R3HCC1: variants seen among roughly 807,000 people sequenced by gnomAD.
R3HCC1 encodes R3H and coiled-coil domain-containing protein 1.
R3HCC1 carries 32 observed loss-of-function variants against 40.0 expected under a neutral mutation model. The observed-to-expected ratio is 0.80, with a 90% CI of 0.60 to 1.07. The LOEUF is 1.07. R3HCC1 is among the 50% of genes least tolerant of loss of function. The probability of loss-of-function intolerance (pLI) is 0.00; values close to 1 mark genes in which losing one functional copy is unlikely to be tolerated. For synonymous variants in R3HCC1, 237 were observed against 232.8 expected, an observed-to-expected ratio of 1.02 and a Z score of -0.17; for missense variants, 586 against 563.3, an observed-to-expected ratio of 1.04 and a Z score of -0.41.
chr8:23,293,201 T>A, intron 5 of R3HCC1, 102 bp from the exon 6 acceptor site: 1 of 880,422 alleles, frequency 1.1e-6, no homozygotes, highest in Non-Finnish European at 1.8e-6. Context: ...CTCAGGCTGG[T>A]GGCATCTGCG....
At position 23,289,151 on chromosome 8, in the gene R3HCC1, C is replaced by G. The variant is rs1368307551; in HGVS notation, c.246C>G (p.Ile82Met). The change falls in exon 3 of 8, where the codon ATC becomes ATG. Residue 82 changes from isoleucine (I) to methionine (M), a missense_variant and splice_region_variant. Coordinates refer to ENST00000265806, the MANE Select transcript of R3HCC1 (RefSeq NM_001136108.3). ...GGACGGTCATCTGTCACCAGGACAT[C>G]AGGTGTGTAGCCTCCCACCTTGAAG... 44 of 1,536,038 alleles carry G rather than the reference C, an allele frequency of 2.9e-5. No homozygotes were observed. The highest frequency in any genetic ancestry group is 3.9e-5 in the Admixed American group (2 of 50,978).
In R3HCC1 at chr8:23,290,111, G is replaced by A. The variant is rs1192188727; in HGVS notation, c.494G>A (p.Arg165Lys). 1 of 1,551,044 alleles carries A rather than the reference G, an allele frequency of 6.4e-7. No individual in the cohort carries two copies. The highest frequency in any genetic ancestry group is 8.7e-7 in the Non-Finnish European group (1 of 1,147,006). ...CTCAAGAGAGAGGCCCCAGCTGGCAGGGACCCAGAAGAGCCTGGAGATGTT... is the reference window on the plus strand; with the variant it reads ...CTCAAGAGAGAGGCCCCAGCTGGCAAGGACCCAGAAGAGCCTGGAGATGTT... The change falls in exon 4 of 8, where the codon AGG (arginine) becomes AAG (lysine). Residue 165 changes from arginine (R) to lysine (K), a missense_variant. Coordinates refer to ENST00000265806, the MANE Select transcript of R3HCC1 (RefSeq NM_001136108.3).
At chr8:23,291,129 T>G in intron 4 of R3HCC1, 1 of 442,980 alleles carries the variant, frequency 2.3e-6, no homozygotes, top group Non-Finnish European at 4.0e-6. Context: ...CTATGGAACA[T>G]TATGTGTGTA....
chr8:23,292,767 G>C (rs1360746741), intron 5 of R3HCC1, among the ~76,000 whole-genome samples: 1 of 152,226 alleles, frequency 6.6e-6, no homozygotes, highest in East Asian at 1.9e-4. Flanking sequence ...TCTCTACCTT[G>C]ATGGTGCAGC....
chr8:23,296,003 AT>A lies in R3HCC1; in HGVS notation c.1230del (p.Asn410LysfsTer77). On this transcript the variant is annotated frameshift_variant, in exon 8 of 8. Coordinates refer to ENST00000265806, the MANE Select transcript of R3HCC1 (RefSeq NM_001136108.3). LOFTEE classifies it high-confidence loss of function. ...CTGGTGAAGGAGAGGCCACAGACAA[AT>A]GCGACTGTGGCCCGGCGGCTGGTGG... 6.4e-7 allele frequency: 1 copy of A among 1,550,838 alleles called. No individual in the cohort carries two copies. The highest frequency in any genetic ancestry group is 8.7e-7 in the Non-Finnish European group (1 of 1,146,762).
chr8:23,292,538 C>T lies in R3HCC1; in HGVS notation c.1026-765C>T, dbSNP rs530344895. 3.3e-5 allele frequency among the ~76,000 whole-genome samples: 5 copies of T among 152,254 alleles called. No homozygotes were observed. In the East Asian group the frequency reaches 7.7e-4, roughly 24 times the overall value. On this transcript the variant is annotated intron_variant, in intron 5 of 7. Coordinates refer to ENST00000265806, the MANE Select transcript of R3HCC1 (RefSeq NM_001136108.3). ...CTGAGGCAGGAGAATGGTGTGAACC[C>T]GGGAGGTGGAGCTTGTAGTGAGCCG... is the stretch of plus-strand genomic sequence containing the variant.
At position 23,288,112 on chromosome 8, in the gene R3HCC1, G is replaced by C; in HGVS notation, c.-64G>C. On this transcript the variant is annotated 5_prime_UTR_variant, in exon 1 of 8. Coordinates refer to ENST00000265806, the MANE Select transcript of R3HCC1 (RefSeq NM_001136108.3). ...CTCTCTAGGGCGCTCGGGCGCGCTG[G>C]CCCCTGGGGACGCCGAGGGCGGCTG... 1 of 1,264,702 alleles carries C rather than the reference G, an allele frequency of 7.9e-7. No homozygotes were observed. Among genetic ancestry groups the C allele is most frequent in the Non-Finnish European group, 1.0e-6 (1 of 977,766 alleles). 78.3% of individuals were successfully genotyped at this position (1,264,702 alleles called of 1,614,324 possible).
At position 23,290,048 on chromosome 8, in the gene R3HCC1, G is replaced by A. The variant is rs914497941; in HGVS notation, c.431G>A (p.Arg144His). ...CCTTTGTATGTGCCCCGGGTGCTGC[G>A]CAGGCAGGAAGAATGGGGGCTGACC... Residue 144 changes from arginine (R) to histidine (H), a missense_variant, in exon 4 of 8, where the codon CGC becomes CAC. Transcript: ENST00000265806. 1.6e-5 allele frequency: 25 copies of A among 1,545,596 alleles called. No homozygotes were observed. The highest frequency in any genetic ancestry group is 4.1e-5 in the African/African-American group (3 of 73,066).
At chr8:23,295,945 C>T in intron 7 of R3HCC1, 22 bp from the exon 8 acceptor site, 2 of 1,542,844 alleles carry the variant, frequency 1.3e-6, no homozygotes, top group Non-Finnish European at 1.8e-6. Flanking sequence ...TTTAGGTCCC[C>T]ACTGTGGGGC....
In R3HCC1 at chr8:23,294,880, G is replaced by A; in HGVS notation, c.1192+16G>A. The A allele has an allele frequency of 6.5e-7, 1 of 1,529,806 alleles. No individual in the cohort carries two copies. Among genetic ancestry groups the A allele is most frequent in the East Asian group, 2.5e-5 (1 of 40,786 alleles). 94.8% of individuals were successfully genotyped at this position (1,529,806 alleles called of 1,614,324 possible). On this transcript the variant is annotated intron_variant, in intron 7 of 7. Transcript: ENST00000265806. ...CAGAGGCCAAGTAAGGAAAGCGCAT[G>A]TCCCTGAATAGGGAGGCTGTGTGTG...
At chr8:23,295,144 C>T (rs748234027) in intron 7 of R3HCC1, among the ~76,000 whole-genome samples, 1 of 152,142 alleles carries the variant, frequency 6.6e-6, no homozygotes, top group Non-Finnish European at 1.5e-5. Context: ...TGCTCATACC[C>T]TCTTCTGGGC....
chr8:23,291,328 A>G, intron 4 of R3HCC1, 33 bp from the exon 5 acceptor site: 1 of 1,538,182 alleles, frequency 6.5e-7, no homozygotes, highest in Non-Finnish European at 8.8e-7. Context: ...TGCGTGTCCA[A>G]GCTCCCCTTG....
chr8:23,295,762 T>G (rs1802997432), intron 7 of R3HCC1: 3 of 669,478 alleles, frequency 4.5e-6, no homozygotes, highest in Non-Finnish European at 7.5e-6. Flanking sequence ...GCGACAAGTT[T>G]GGGTCAGCAT....
At position 23,291,798 on chromosome 8, in the gene R3HCC1, G is replaced by C. The variant is rs540631349; in HGVS notation, c.1025+265G>C. 5.3e-5 allele frequency among the ~76,000 whole-genome samples: 8 copies of C among 152,350 alleles called. No homozygotes were observed. In the South Asian group the frequency reaches 1.7e-3, roughly 32 times the overall value. On this transcript the variant is annotated intron_variant, in intron 5 of 7. Transcript: ENST00000265806. ...CCCTGCATGGCCACACGCCTGCCAG[G>C]ATGCCATGCGCCCTCCCTCAGTCTC...
At position 23,293,338 on chromosome 8, in the gene R3HCC1, C is replaced by T. The variant is rs76824703; in HGVS notation, c.1061C>T (p.Thr354Ile). ...TTCAGGATTCAGTGGGTGGATGATA[C>T]TCACGCACTCGGCATCTTTCCCTGC... The change falls in exon 6 of 8, where the codon ACT (threonine) becomes ATT (isoleucine). Residue 354 changes from threonine to isoleucine, a missense_variant. Physicochemically the swap from Thr to Ile is moderately conservative, Grantham distance 89. Coordinates refer to ENST00000265806, the MANE Select transcript of R3HCC1 (RefSeq NM_001136108.3). 38,084 of 1,550,704 alleles carry T rather than the reference C, an allele frequency of 0.025. 590 individuals carry two copies. The highest frequency in any genetic ancestry group is 0.03 in the Non-Finnish European group (34,454 of 1,146,316).
Position 23,296,180 on chromosome 8 carries a change from C to G in R3HCC1, c.*83C>G. 1 of 1,428,668 alleles carries G rather than the reference C, an allele frequency of 7.0e-7. No homozygotes were observed. Among genetic ancestry groups the G allele is most frequent in the South Asian group, 1.5e-5 (1 of 68,402 alleles). The allele number at this position is 1,428,668 out of a possible 1,614,324, so 88.5% of individuals were successfully genotyped here. A position where few individuals can be genotyped will look rare whatever the true frequency, so the allele number is the denominator to read the frequency against. ...CCATAAGCCTTCACAGACGCCAGAGCAGCCCCGCACCACCCTCGAGCTTCA... is the reference window on the plus strand; with the variant it reads ...CCATAAGCCTTCACAGACGCCAGAGGAGCCCCGCACCACCCTCGAGCTTCA... On this transcript the variant is annotated 3_prime_UTR_variant, in exon 8 of 8. Coordinates refer to ENST00000265806, the MANE Select transcript of R3HCC1 (RefSeq NM_001136108.3).
intron 4 of R3HCC1, chr8:23,290,955 C>T: frequency 4.8e-6 from 1 of 210,462 alleles, no homozygotes; most frequent in Non-Finnish European, 9.6e-6. Flanking sequence ...GAATGCAGAC[C>T]ACAGACCTGC....
chr8:23,288,738 C>T (rs1802794171), intron 2 of R3HCC1, 105 bp downstream of exon 2: 1 of 1,402,190 alleles, frequency 7.1e-7, no homozygotes, highest in Non-Finnish European at 9.6e-7. Flanking sequence ...TGGCTCTGAC[C>T]TTGGCCTTTA....
In R3HCC1 at chr8:23,290,345, A is replaced by G. The variant is rs1802839038; in HGVS notation, c.728A>G (p.Glu243Gly). 6.4e-7 allele frequency: 1 copy of G among 1,551,808 alleles called. No individual in the cohort carries two copies. The highest frequency in any genetic ancestry group is 8.7e-7 in the Non-Finnish European group (1 of 1,147,026). Reference sequence around the variant, plus strand: ...GGGTCCACCCTGCAGCTAGACCTGGAAAAGGGGAAGGAGAGTCTGTTGGAG... The same window carrying G: ...GGGTCCACCCTGCAGCTAGACCTGGGAAAGGGGAAGGAGAGTCTGTTGGAG... The change falls in exon 4 of 8, where the codon GAA becomes GGA. Residue 243 changes from glutamate (E) to glycine (G), a missense_variant. Coordinates refer to ENST00000265806, the MANE Select transcript of R3HCC1 (RefSeq NM_001136108.3).
Sources: allele counts gnomAD v4.1 joint callset (sites outside exome capture counted in the v4.1 genomes callset), GRCh38; gene constraint gnomAD v4.1.1; transcripts MANE v1.5; gene names NCBI Gene and HGNC (gene_info 2026-07-23, HGNC 2026-07-21).